The following FBXW8 variants were observed in gnomAD, a reference collection of about 807,000 sequenced individuals.
FBXW8 encodes F-box and WD repeat domain containing 8, also known as F-box/WD repeat-containing protein 8.
Under a neutral mutation model 65.3 loss-of-function variants are expected in FBXW8, and 57 were observed. That is an observed-to-expected ratio of 0.87 (90% CI 0.71 to 1.09). FBXW8 has a LOEUF of 1.09. Ranked by LOEUF, FBXW8 falls within the 50% of genes least tolerant of loss-of-function variation. FBXW8 has a pLI of 0.00. For synonymous variants in FBXW8, 308 were observed against 330.2 expected (o/e 0.93, Z 0.73); for missense variants, 777 against 814.8 (o/e 0.95, Z 0.57).
At chr12:116,952,879 G>A (rs911672016) in intron 4 of FBXW8, among the ~76,000 whole-genome samples, 5 of 151,972 alleles carry the variant, frequency 3.3e-5, no homozygotes, top group African/African-American at 9.7e-5. Context: ...CTGGGACTAC[G>A]GGCGTGTGCC....
chr12:117,014,493 A>G (rs962731242), intron 8 of FBXW8, among the ~76,000 whole-genome samples: 1 of 152,170 alleles, frequency 6.6e-6, no homozygotes, highest in Admixed American at 6.5e-5. Context: ...GGTTTGGGGT[A>G]TGTCAAGTAA....
chr12:116,950,025 T>TA, intron 4 of FBXW8: 2 of 287,722 alleles, frequency 7.0e-6, no homozygotes, highest in Non-Finnish European at 1.3e-5. Flanking sequence ...TATGAAGACA[T>TA]AAAAAAGTCA....
intron 2 of FBXW8, among the ~76,000 whole-genome samples, chr12:116,944,258 AT>A (rs1262270954): frequency 6.6e-6 from 1 of 152,134 alleles, no homozygotes; most frequent in Non-Finnish European, 1.5e-5. Flanking sequence ...TTGATCGATC[AT>A]TTTTGGTGGA....
At chr12:116,984,462 A>G (rs1249851641) in intron 5 of FBXW8, among the ~76,000 whole-genome samples, 1 of 152,232 alleles carries the variant, frequency 6.6e-6, no homozygotes, top group Non-Finnish European at 1.5e-5. Context: ...ATTGAAGCAC[A>G]GGTTTTAGAG....
At chr12:117,020,974 CTACCTCCTCGAAGTGGAAT>C (rs1394795204) in intron 8 of FBXW8, among the ~76,000 whole-genome samples, 1 of 152,222 alleles carries the variant, frequency 6.6e-6, no homozygotes, top group Non-Finnish European at 1.5e-5. Flanking sequence ...TCTTGTGTAG[CTACCTCCTCGAAGTGGAAT>C]TGCCGGCTCA....
Position 116,973,985 on chromosome 12 carries a change from A to G in FBXW8, c.835+9131A>G, listed in dbSNP as rs1475953802. On this transcript the variant is annotated intron_variant, in intron 5 of 10. Transcript: ENST00000652555. Reference sequence around the variant, plus strand: ...TTAAACCATGGTTTCTAGACATTGGAAAATAAGTAGCCCATGGCTGTGATC... The same window carrying G: ...TTAAACCATGGTTTCTAGACATTGGGAAATAAGTAGCCCATGGCTGTGATC... Among the ~76,000 whole-genome samples, 3 of 152,236 alleles carry G rather than the reference A, an allele frequency of 2.0e-5. No homozygotes were observed. The East Asian group carries it at 5.8e-4, about 29-fold the overall frequency.
At chr12:117,002,618 A>C (rs559031737) in intron 7 of FBXW8, 1 of 152,340 alleles carries the variant, frequency 6.6e-6, no homozygotes, top group South Asian at 2.1e-4. Flanking sequence ...ACCAAGCCTC[A>C]CGCTATGACT....
In FBXW8 at chr12:116,911,070, G is replaced by A; in HGVS notation, c.33G>A (p.Arg11=). MDDYSLDEFR[R]RWQEELAQAQ... is the part of the protein sequence containing the mutation. Reference sequence around the variant, plus strand: ...ACTACAGCCTGGATGAGTTCCGTCGGCGCTGGCAGGAGGAGCTGGCGCAGG... The same window carrying A: ...ACTACAGCCTGGATGAGTTCCGTCGACGCTGGCAGGAGGAGCTGGCGCAGG... The change falls in exon 1 of 11, where the codon CGG becomes CGA. Residue 11 remains arginine (R), a synonymous_variant. Transcript: ENST00000652555. 1 of 1,454,086 alleles carries A rather than the reference G, an allele frequency of 6.9e-7. No homozygotes were observed. The highest frequency in any genetic ancestry group is 1.4e-5 in the South Asian group (1 of 73,874). The allele number at this position is 1,454,086 out of a possible 1,614,324, so 90.1% of individuals were successfully genotyped here.
At chr12:117,023,161 CGT>C (rs1954141047) in intron 8 of FBXW8, among the ~76,000 whole-genome samples, 2 of 152,112 alleles carry the variant, frequency 1.3e-5, no homozygotes, top group African/African-American at 4.8e-5. Context: ...GGAAAATTGA[CGT>C]GTGTGCGCAT....
chr12:117,002,000 C>T (rs1313946436), intron 7 of FBXW8, among the ~76,000 whole-genome samples: 3 of 152,168 alleles, frequency 2.0e-5, no homozygotes, highest in East Asian at 1.9e-4. Flanking sequence ...AGAGATTGGC[C>T]GGTTTGGATG....
At chr12:116,949,975 T>C (rs867203134) in intron 4 of FBXW8, 5 of 388,542 alleles carry the variant, frequency 1.3e-5, no homozygotes, top group Middle Eastern at 7.1e-4. Context: ...TCTTGTGGCA[T>C]GTTATGTGAG....
At chr12:117,010,722 AC>A (rs779852848) in intron 8 of FBXW8, among the ~76,000 whole-genome samples, 19 of 152,204 alleles carry the variant, frequency 1.2e-4, no homozygotes, top group Non-Finnish European at 2.4e-4. Context: ...GTCCAGGGAG[AC>A]CACTTGGAAT....
intron 1 of FBXW8, among the ~76,000 whole-genome samples, chr12:116,911,906 G>C (rs1879977929): frequency 6.6e-6 from 1 of 152,154 alleles, no homozygotes; most frequent in Non-Finnish European, 1.5e-5. Flanking sequence ...AGAGGAGGAA[G>C]AATCTCCTGG....
intron 9 of FBXW8, among the ~76,000 whole-genome samples, chr12:117,026,244 TCCAGGTCCCATG>T (rs1440836938): frequency 3.3e-5 from 5 of 151,826 alleles, no homozygotes; most frequent in Admixed American, 3.3e-4. Flanking sequence ...TTTCTCATCC[TCCAGGTCCCATG>T]CCAGGTCCAC....
At chr12:116,922,128 C>A (rs1880959716) in intron 1 of FBXW8, among the ~76,000 whole-genome samples, 1 of 151,908 alleles carries the variant, frequency 6.6e-6, no homozygotes, top group African/African-American at 2.4e-5. Context: ...CTGTGCCTGG[C>A]CTATTTCTGA....
chr12:117,026,441 A>G (rs1362995463), intron 9 of FBXW8, among the ~76,000 whole-genome samples: 1 of 151,770 alleles, frequency 6.6e-6, no homozygotes, highest in African/African-American at 2.4e-5. Flanking sequence ...CTCATCCTCC[A>G]GGTCCCATGC....
intron 2 of FBXW8, among the ~76,000 whole-genome samples, chr12:116,932,666 G>C (rs752984239): frequency 2.0e-5 from 3 of 152,164 alleles, no homozygotes; most frequent in Non-Finnish European, 4.4e-5. Flanking sequence ...CTCCCAAGTA[G>C]CTGGGACTAC....
At chr12:116,932,910 C>A (rs904433205) in intron 2 of FBXW8, among the ~76,000 whole-genome samples, 2 of 152,038 alleles carry the variant, frequency 1.3e-5, no homozygotes, top group Non-Finnish European at 2.9e-5. Context: ...TTTCAATATT[C>A]TTGATTATTG....
chr12:116,922,186 G>A (rs528567662), intron 1 of FBXW8, among the ~76,000 whole-genome samples: 2 of 151,988 alleles, frequency 1.3e-5, no homozygotes, highest in East Asian at 3.9e-4. Context: ...GACAAATTGT[G>A]GATTATAAAT....
Sources: gnomAD v4.1 joint callset for allele counts (sites outside exome capture counted in the v4.1 genomes callset) on GRCh38, gnomAD v4.1.1 for gene constraint, MANE v1.5 for transcripts, NCBI Gene and HGNC (gene_info 2026-07-23, HGNC 2026-07-21) for gene names.